The following SCN8A variants were observed in gnomAD, a reference collection of about 807,000 sequenced individuals.
SCN8A encodes sodium voltage-gated channel alpha subunit 8.
A neutral mutation model predicts 184.1 loss-of-function variants in SCN8A; 30 were observed. The observed-to-expected ratio is 0.16, with a 90% confidence interval of 0.12 to 0.22. SCN8A has a LOEUF of 0.22. Ranked by LOEUF, SCN8A falls within the 10% of genes least tolerant of loss-of-function variation. The pLI is 1.00. For missense variants in SCN8A, 1,057 were observed against 2,498.9 expected (o/e 0.42, Z 12.30); for synonymous variants, 852 against 907.0 (o/e 0.94, Z 1.09).
intron 1 of SCN8A, among the ~76,000 whole-genome samples, chr12:51,639,141 G>C (rs931307086): frequency 2.0e-4 from 31 of 151,950 alleles, no homozygotes; most frequent in African/African-American, 7.0e-4. Flanking sequence ...ACCACACCTG[G>C]CTAATTTTTG....
intron 26 of SCN8A, among the ~76,000 whole-genome samples, chr12:51,801,139 G>C (rs1938546165): frequency 6.6e-6 from 1 of 152,178 alleles, no homozygotes; most frequent in Non-Finnish European, 1.5e-5. Flanking sequence ...CAATGCCAGA[G>C]CTCTACACTA....
chr12:51,601,855 G>GTTTTT (rs938674707), intron 1 of SCN8A, among the ~76,000 whole-genome samples: 8 of 109,750 alleles, frequency 7.3e-5, no homozygotes, highest in South Asian at 6.3e-4. Flanking sequence ...CAGAGAAAGG[G>GTTTTT]TTTTTTTTTT....
rs373240018 is a variant in SCN8A, at chr12:51,699,981, A to G, written c.928+190A>G. Among the ~76,000 whole-genome samples, 24 of 152,234 alleles carry G rather than the reference A, an allele frequency of 1.6e-4. No homozygotes were observed. The South Asian group carries it at 5.0e-3, about 32-fold the overall frequency. ...TGGGAGTTTGAGACCAGCCTGACCA[A>G]CATGGAGAAACCCTCTCTCTACTAA... On this transcript the variant is annotated intron_variant, in intron 7 of 26. Transcript: ENST00000627620.
chr12:51,650,447 A>C (rs1226121077), intron 1 of SCN8A, among the ~76,000 whole-genome samples: 1 of 151,624 alleles, frequency 6.6e-6, no homozygotes, highest in Non-Finnish European at 1.5e-5. Context: ...GTTTAATTTG[A>C]CTTACAGTTC....
intron 1 of SCN8A, among the ~76,000 whole-genome samples, chr12:51,640,221 T>G (rs1042613097): frequency 1.5e-3 from 34 of 22,084 alleles, no homozygotes; most frequent in African/African-American, 5.8e-3. Flanking sequence ...TGTTTTTTTT[T>G]TTTTTTTTTT....
intron 1 of SCN8A, among the ~76,000 whole-genome samples, chr12:51,602,703 G>A (rs890309500): frequency 6.6e-6 from 1 of 152,136 alleles, no homozygotes; most frequent in African/African-American, 2.4e-5. Context: ...AGGGTATGTG[G>A]TGTTTTTATG....
intron 14 of SCN8A, among the ~76,000 whole-genome samples, chr12:51,758,053 G>A (rs144614104): frequency 1.3e-5 from 2 of 152,334 alleles, no homozygotes; most frequent in East Asian, 3.9e-4. Context: ...GCTGAGGCAG[G>A]AGCATGGCTT....
chr12:51,763,231 G>A (rs1226725393), intron 15 of SCN8A, among the ~76,000 whole-genome samples: 1 of 152,178 alleles, frequency 6.6e-6, no homozygotes, highest in Non-Finnish European at 1.5e-5. Flanking sequence ...AAAAAGCAGT[G>A]CACGTTCAGT....
intron 21 of SCN8A, among the ~76,000 whole-genome samples, chr12:51,783,307 A>AT (rs550982685): frequency 1.0e-4 from 15 of 149,234 alleles, no homozygotes; most frequent in East Asian, 1.9e-4. Flanking sequence ...TCTATGGGGC[A>AT]TTTTTTTTTT....
intron 1 of SCN8A, among the ~76,000 whole-genome samples, chr12:51,620,549 G>C (rs996809043): frequency 1.3e-5 from 2 of 152,090 alleles, no homozygotes; most frequent in Admixed American, 1.3e-4. Flanking sequence ...ATGCAATGCA[G>C]TAGAAACTGT....
intron 1 of SCN8A, among the ~76,000 whole-genome samples, chr12:51,603,847 T>G (rs1308821499): frequency 1.3e-5 from 2 of 152,182 alleles, no homozygotes; most frequent in Non-Finnish European, 2.9e-5. Flanking sequence ...GTGCTCTCTG[T>G]GTATCTTTGT....
rs112770123 is a variant in SCN8A, at chr12:51,777,151, A to T, written c.3819+2789A>T. On this transcript the variant is annotated intron_variant, in intron 20 of 26. Transcript: ENST00000627620. ...GCCTTGGCCTGAATTCAGACTGCTG[A>T]AAACATTCCCCGTTTGAAAATATTC... 3.9e-4 allele frequency among the ~76,000 whole-genome samples: 60 copies of T among 152,354 alleles called. 1 individual carries two copies. The highest frequency in any genetic ancestry group is 1.2e-3 in the South Asian group (6 of 4,820).
chr12:51,688,729 T>A (rs1247218329), intron 5 of SCN8A: 5 of 1,539,242 alleles, frequency 3.2e-6, no homozygotes, highest in Non-Finnish European at 3.6e-6. Context: ...GTGGTACCAT[T>A]ACAAGTTAAC....
rs138968770 is a variant in SCN8A, at chr12:51,650,580, T to C, written c.-54-12184T>C. Among the ~76,000 whole-genome samples, 509 of 151,526 alleles carry C rather than the reference T, an allele frequency of 3.4e-3. 3 individuals are homozygous for C. The highest frequency in any genetic ancestry group is 0.012 in the African/African-American group (492 of 41,238). On this transcript the variant is annotated intron_variant, in intron 1 of 26. Transcript: ENST00000627620. ...GCTGCAGTGCAGTGGTGTGATCTTG[T>C]TGGGAGCAGGCCCCCCAAAATCTGG...
At chr12:51,790,642 C>A in intron 25 of SCN8A, 140 bp downstream of exon 25, 1 of 600,304 alleles carries the variant, frequency 1.7e-6, no homozygotes, top group Non-Finnish European at 3.0e-6. Flanking sequence ...TCCAAAAGAT[C>A]TGAATAGGAC....
intron 1 of SCN8A, among the ~76,000 whole-genome samples, chr12:51,633,547 T>C (rs1342945478): frequency 1.3e-5 from 2 of 152,232 alleles, no homozygotes; most frequent in African/African-American, 2.4e-5. Context: ...CTTTCTCTCC[T>C]TGGTGCTCTG....
intron 4 of SCN8A, 110 bp from the exon 5 acceptor site, chr12:51,686,977 CCTTT>C: frequency 9.7e-7 from 1 of 1,033,698 alleles, no homozygotes; most frequent in South Asian, 1.4e-5. Flanking sequence ...TTGGCTGTGC[CCTTT>C]CTGTTTTGTC....
intron 1 of SCN8A, among the ~76,000 whole-genome samples, chr12:51,653,807 C>T (rs1940767197): frequency 6.6e-6 from 1 of 152,196 alleles, no homozygotes; most frequent in Non-Finnish European, 1.5e-5. Context: ...GTCTGAATTT[C>T]TCAACATCCT....
At chr12:51,707,505 C>T (rs555741620) in intron 11 of SCN8A, among the ~76,000 whole-genome samples, 3 of 152,148 alleles carry the variant, frequency 2.0e-5, no homozygotes, top group Non-Finnish European at 2.9e-5. Context: ...AGGCCAGTCT[C>T]GCCTTTTTAC....
Sources: allele counts gnomAD v4.1 joint callset (sites outside exome capture counted in the v4.1 genomes callset), GRCh38; gene constraint gnomAD v4.1.1; transcripts MANE v1.5; gene names NCBI Gene and HGNC (gene_info 2026-07-23, HGNC 2026-07-21).